VDAC1: variants seen among roughly 807,000 people sequenced by gnomAD.
VDAC1 encodes voltage dependent anion channel 1, also known as non-selective voltage-gated ion channel VDAC1.
A neutral mutation model predicts 34.7 loss-of-function variants in VDAC1; 10 were observed. That is an observed-to-expected ratio of 0.29 (90% CI 0.18 to 0.49). The LOEUF is 0.49. Among genes scored for constraint, VDAC1 ranks in the 20% least tolerant of loss-of-function variants. VDAC1 has a pLI of 0.99. For missense variants in VDAC1, 230 were observed against 347.9 expected (o/e 0.66, Z 2.69); for synonymous variants, 130 against 136.0 (o/e 0.96, Z 0.30).
the VDAC1 span, among the ~76,000 whole-genome samples, chr5:134,079,574 G>A: frequency 6.6e-6 from 1 of 152,206 alleles, no homozygotes; most frequent in Non-Finnish European, 1.5e-5. Context: ...GCTGAGCCAG[G>A]AATCTGGGAG....
At chr5:134,103,328 C>T in the VDAC1 span, among the ~76,000 whole-genome samples, 1 of 152,102 alleles carries the variant, frequency 6.6e-6, no homozygotes, top group Non-Finnish European at 1.5e-5. Context: ...TGCCATGTTG[C>T]CCAGGCTGGT....
chr5:134,068,205 T>G, the VDAC1 span, among the ~76,000 whole-genome samples: 1 of 152,206 alleles, frequency 6.6e-6, no homozygotes, highest in Non-Finnish European at 1.5e-5. Context: ...AGTTTATTTT[T>G]TTTTCTCATT....
intron 6 of VDAC1, among the ~76,000 whole-genome samples, chr5:133,977,794 C>G (rs1752535452): frequency 6.6e-6 from 1 of 152,282 alleles, no homozygotes; most frequent in Admixed American, 6.5e-5. Context: ...GATGAGCAGG[C>G]TGAGGCAGGC....
chr5:134,091,546 A>C, the VDAC1 span, among the ~76,000 whole-genome samples: 130,318 of 152,094 alleles, frequency 0.86, 56,377 homozygotes, highest in Non-Finnish European at 0.91. Context: ...CTGGGCCACA[A>C]TGAGCAAGAA....
the VDAC1 span, among the ~76,000 whole-genome samples, chr5:134,106,573 A>G: frequency 6.6e-6 from 1 of 151,808 alleles, no homozygotes; most frequent in African/African-American, 2.4e-5. Flanking sequence ...ACACCCAGCT[A>G]ATTTTTGTAT....
chr5:134,046,803 C>T, the VDAC1 span, among the ~76,000 whole-genome samples: 1 of 152,212 alleles, frequency 6.6e-6, no homozygotes, highest in African/African-American at 2.4e-5. Context: ...GTTTGAGCTT[C>T]ATCTCCACTC....
At chr5:134,029,912 C>T in the VDAC1 span, among the ~76,000 whole-genome samples, 1 of 152,198 alleles carries the variant, frequency 6.6e-6, no homozygotes, top group Non-Finnish European at 1.5e-5. Flanking sequence ...ATTGTACTAA[C>T]ATCAACTTCC....
intron 4 of VDAC1, 26 bp downstream of exon 4, chr5:133,990,976 C>A (rs1753080754): frequency 6.2e-7 from 1 of 1,612,276 alleles, no homozygotes; most frequent in East Asian, 2.2e-5. Flanking sequence ...ATTAATAAAT[C>A]CACATCTTTT....
the VDAC1 span, among the ~76,000 whole-genome samples, chr5:134,052,277 G>A: frequency 3.9e-5 from 6 of 151,906 alleles, no homozygotes; most frequent in African/African-American, 1.2e-4. Context: ...GGTACAAAAC[G>A]CAGGTTTAAC....
chr5:134,075,538 T>G, the VDAC1 span, among the ~76,000 whole-genome samples: 1 of 152,224 alleles, frequency 6.6e-6, no homozygotes, highest in African/African-American at 2.4e-5. Flanking sequence ...TACTCACTAC[T>G]ATTCACACAC....
the VDAC1 span, among the ~76,000 whole-genome samples, chr5:134,083,206 T>G: frequency 0.049 from 7,359 of 149,356 alleles, 175 homozygotes; most frequent in Middle Eastern, 0.082. Flanking sequence ...TTTTTTTTTT[T>G]GGGATGGGGT....
the VDAC1 span, among the ~76,000 whole-genome samples, chr5:134,069,423 A>T: frequency 1.3e-5 from 2 of 152,162 alleles, 1 homozygote; most frequent in South Asian, 4.1e-4. Context: ...GCAGGGCAGG[A>T]GGAAGGAATG....
the VDAC1 span, among the ~76,000 whole-genome samples, chr5:134,096,052 T>C: frequency 1.3e-5 from 2 of 152,172 alleles, no homozygotes; most frequent in African/African-American, 4.8e-5. Context: ...CGATAAGCCA[T>C]GGGCGCCAGC....
At chr5:133,978,460 C>T (rs114012107) in intron 6 of VDAC1, among the ~76,000 whole-genome samples, 165 of 152,270 alleles carry the variant, frequency 1.1e-3, no homozygotes, top group African/African-American at 3.3e-3. Flanking sequence ...TGAAATTCAG[C>T]GAGACAGACA....
chr5:134,059,078 G>T, the VDAC1 span, among the ~76,000 whole-genome samples: 2 of 152,232 alleles, frequency 1.3e-5, no homozygotes, highest in African/African-American at 4.8e-5. Flanking sequence ...GTCGGCAACA[G>T]GCCATGAGTC....
At chr5:134,101,914 C>A in the VDAC1 span, among the ~76,000 whole-genome samples, 7 of 152,222 alleles carry the variant, frequency 4.6e-5, no homozygotes, top group African/African-American at 1.4e-4. Flanking sequence ...TTCCAAGAGA[C>A]ACCCTTCTAG....
In VDAC1 at chr5:133,993,722, A is replaced by C. The variant is rs1370851125; in HGVS notation, c.-6-704T>G. On this transcript the variant is annotated intron_variant, in intron 1 of 8. Transcript: ENST00000265333. Reference sequence around the variant, plus strand: ...CCAGTGTAACTTTATTTTTAAAACCAACCATCAAAGGACTACTTGGGATTG... The same window carrying C: ...CCAGTGTAACTTTATTTTTAAAACCCACCATCAAAGGACTACTTGGGATTG... Among the ~76,000 whole-genome samples, 3 of 150,110 alleles carry C rather than the reference A, an allele frequency of 2.0e-5. No individual in the cohort carries two copies. The East Asian group carries it at 7.5e-4, about 38-fold the overall frequency.
At chr5:134,106,414 C>CTTTTTTTTTTTTTTT in the VDAC1 span, among the ~76,000 whole-genome samples, 3 of 146,550 alleles carry the variant, frequency 2.0e-5, 1 homozygote, top group Non-Finnish European at 4.5e-5. Flanking sequence ...TTGTCATCCT[C>CTTTTTTTTTTTTTTT]TTTTTTTTTT....
upstream of VDAC1, among the ~76,000 whole-genome samples, chr5:134,006,294 G>A (rs902151541): frequency 1.3e-5 from 2 of 152,192 alleles, no homozygotes; most frequent in African/African-American, 4.8e-5. Flanking sequence ...TGGGCAGGGG[G>A]AGGACAAGAA....
Sources: allele counts gnomAD v4.1 joint callset (sites outside exome capture counted in the v4.1 genomes callset), GRCh38; gene constraint gnomAD v4.1.1; transcripts MANE v1.5; gene names NCBI Gene and HGNC (gene_info 2026-07-23, HGNC 2026-07-21).